DAB1: variants seen among roughly 807,000 people sequenced by gnomAD.
The protein encoded by DAB1 is disabled homolog 1.
A neutral mutation model predicts 64.6 loss-of-function variants in DAB1; 15 were observed. That is an observed-to-expected ratio of 0.23 (90% confidence interval 0.16 to 0.36). DAB1 has a LOEUF of 0.36. Among genes scored for constraint, DAB1 ranks in the 10% least tolerant of loss-of-function variants. DAB1 has a pLI of 1.00. For synonymous variants in DAB1, 235 were observed against 251.9 expected (o/e 0.93, Z 0.64); for missense variants, 596 against 706.7 (o/e 0.84, Z 1.78).
At chr1:57,194,888 C>T (rs1018644673) in intron 2 of DAB1, among the ~76,000 whole-genome samples, 1 of 152,226 alleles carries the variant, frequency 6.6e-6, no homozygotes, top group Non-Finnish European at 1.5e-5. Flanking sequence ...ACCAACACAG[C>T]ATCCTGAGGC....
intron 4 of DAB1, among the ~76,000 whole-genome samples, chr1:57,095,932 A>G (rs1439630199): frequency 6.6e-6 from 1 of 152,232 alleles, no homozygotes; most frequent in Non-Finnish European, 1.5e-5. Flanking sequence ...CTTCCCATCA[A>G]AATAAATATG....
At chr1:57,223,616 T>G (rs896660788) in intron 2 of DAB1, among the ~76,000 whole-genome samples, 1 of 152,190 alleles carries the variant, frequency 6.6e-6, no homozygotes, top group Non-Finnish European at 1.5e-5. Flanking sequence ...ATATGATCCC[T>G]GGGCAGGCAC....
At chr1:57,183,197 C>T (rs969673519) in intron 2 of DAB1, among the ~76,000 whole-genome samples, 1 of 152,066 alleles carries the variant, frequency 6.6e-6, no homozygotes, top group African/African-American at 2.4e-5. Flanking sequence ...GGGGAACTGC[C>T]GAGCATTCTA....
chr1:57,871,273 ACTAT>A (rs55726940), intron 1 of DAB1, among the ~76,000 whole-genome samples: 35,309 of 151,996 alleles, frequency 0.23, 4,839 homozygotes, highest in Non-Finnish European at 0.31. Context: ...AAGAGGTATA[ACTAT>A]CTAAGAGGTA....
At chr1:57,600,513 T>C (rs1028890239) in intron 7 of DAB1, among the ~76,000 whole-genome samples, 1 of 152,108 alleles carries the variant, frequency 6.6e-6, no homozygotes, top group Non-Finnish European at 1.5e-5. Flanking sequence ...CAATGCTGCT[T>C]GTGGGTCAGG....
At chr1:58,263,760 T>C (rs1161954309) in intron 4 of DAB1, among the ~76,000 whole-genome samples, 1 of 152,214 alleles carries the variant, frequency 6.6e-6, no homozygotes, top group Admixed American at 6.5e-5. Flanking sequence ...GTCTGTAAAA[T>C]GGTGGTAACA....
upstream of DAB1, among the ~76,000 whole-genome samples, chr1:57,426,585 C>T (rs578195434): frequency 5.7e-4 from 86 of 151,994 alleles, no homozygotes; most frequent in Non-Finnish European, 1.0e-3. Context: ...TCATCTACCC[C>T]GAGAAACAGT....
intron 10 of DAB1, 58 bp from the exon 11 acceptor site, chr1:57,023,697 T>G (rs1310769005): frequency 8.7e-6 from 10 of 1,153,630 alleles, no homozygotes; most frequent in Non-Finnish European, 1.3e-5. Flanking sequence ...TCATCAAGGC[T>G]GGGAGGTAGC....
At chr1:57,756,354 G>A (rs943045196) in intron 6 of DAB1, among the ~76,000 whole-genome samples, 3 of 152,156 alleles carry the variant, frequency 2.0e-5, no homozygotes, top group Non-Finnish European at 4.4e-5. Context: ...GAGTTCATAG[G>A]AGAAAGGTGT....
chr1:57,352,704 T>C (rs1232783387), intron 1 of DAB1, among the ~76,000 whole-genome samples: 1 of 152,208 alleles, frequency 6.6e-6, no homozygotes, highest in Admixed American at 6.5e-5. Flanking sequence ...TCCTGAAGAA[T>C]ATTTTTAGAA....
At chr1:57,296,990 C>T (rs1673246373) in intron 1 of DAB1, among the ~76,000 whole-genome samples, 2 of 152,126 alleles carry the variant, frequency 1.3e-5, no homozygotes, top group Non-Finnish European at 2.9e-5. Flanking sequence ...TTGGACAAAA[C>T]GTTGTTAACA....
chr1:57,308,954 T>A (rs1167381897), intron 1 of DAB1, among the ~76,000 whole-genome samples: 1 of 152,158 alleles, frequency 6.6e-6, no homozygotes. Context: ...AGAGCAAGCT[T>A]GTCCAACCAG....
intron 4 of DAB1, among the ~76,000 whole-genome samples, chr1:58,281,104 C>A (rs12031219): frequency 0.64 from 97,239 of 151,994 alleles, 32,857 homozygotes; most frequent in East Asian, 0.87. Context: ...TTGCCTAAAT[C>A]ATTATCAAGC....
chr1:57,660,942 G>A (rs948878298), intron 6 of DAB1, among the ~76,000 whole-genome samples: 4 of 152,156 alleles, frequency 2.6e-5, no homozygotes, highest in South Asian at 2.1e-4. Context: ...ACATGCAAAC[G>A]TGTCTCAAAG....
At chr1:57,422,414 C>G (rs933049617) in intron 1 of DAB1, among the ~76,000 whole-genome samples, 2 of 151,558 alleles carry the variant, frequency 1.3e-5, no homozygotes, top group Admixed American at 1.3e-4. Context: ...GAGAAAGGCG[C>G]TCTCGCTACC....
chr1:57,387,735 T>C (rs1349246941), intron 1 of DAB1, among the ~76,000 whole-genome samples: 5 of 150,834 alleles, frequency 3.3e-5, no homozygotes, highest in African/African-American at 1.2e-4. Context: ...GGCAGAAGAA[T>C]TGCTTGAACC....
chr1:58,141,501 G>T lies in DAB1; in HGVS notation n.387+9010C>A, dbSNP rs551526131. On this transcript the variant is annotated intron_variant and non_coding_transcript_variant, in intron 5 of 20. Coordinates refer to the DAB1 transcript ENST00000485760. ...AAGATGAGATTTGCGTAGGGACACA[G>T]CCAAACCACATCAGAGGTGCCACAT... Among the ~76,000 whole-genome samples the T allele has an allele frequency of 7.2e-5, 11 of 152,216 alleles. No homozygotes were observed. In the South Asian group the frequency reaches 1.9e-3, roughly 26 times the overall value.
chr1:57,663,745 T>C (rs908732669), intron 6 of DAB1, among the ~76,000 whole-genome samples: 10 of 152,208 alleles, frequency 6.6e-5, no homozygotes, highest in Non-Finnish European at 1.2e-4. Flanking sequence ...TTTTATAGTA[T>C]GCATGTGACG....
intron 1 of DAB1, among the ~76,000 whole-genome samples, chr1:57,304,012 C>T (rs1673913783): frequency 6.6e-6 from 1 of 152,136 alleles, no homozygotes; most frequent in South Asian, 2.1e-4. Flanking sequence ...CATCGGAACC[C>T]TTAAATATAT....
Sources: allele counts gnomAD v4.1 joint callset (sites outside exome capture counted in the v4.1 genomes callset), GRCh38; gene constraint gnomAD v4.1.1; transcripts MANE v1.5; gene names NCBI Gene and HGNC (gene_info 2026-07-23, HGNC 2026-07-21).